SDK1: variants seen among roughly 807,000 people sequenced by gnomAD.
SDK1 encodes sidekick cell adhesion molecule 1, also known as protein sidekick-1.
SDK1 carries 157 observed loss-of-function variants against 245.5 expected under a neutral mutation model. That is an observed-to-expected ratio of 0.64 (90% CI 0.56 to 0.73). The LOEUF is 0.73. SDK1 is among the 30% of genes least tolerant of loss of function. The probability of loss-of-function intolerance (pLI) is 0.00; values close to 1 mark genes in which losing one functional copy is unlikely to be tolerated. For synonymous variants in SDK1, 1,647 were observed against 1,278.5 expected (o/e 1.29, Z -6.15); for missense variants, 3,583 against 3,002.3 (o/e 1.19, Z -4.52).
chr7:3,996,798 A>G (rs1483374841), intron 14 of SDK1, among the ~76,000 whole-genome samples: 4 of 151,990 alleles, frequency 2.6e-5, no homozygotes, highest in Non-Finnish European at 4.4e-5. Context: ...ATACAAATGT[A>G]TTGTTTTCTT....
intron 1 of SDK1, among the ~76,000 whole-genome samples, chr7:3,403,620 C>A (rs1285494229): frequency 6.6e-6 from 1 of 151,106 alleles, no homozygotes; most frequent in Non-Finnish European, 1.5e-5. Context: ...AAAGAGAGCA[C>A]AAATACAATA....
chr7:4,130,101 G>C lies in SDK1; in HGVS notation c.4129+4G>C. On this transcript the variant is annotated splice_donor_region_variant and intron_variant, in intron 27 of 44. Transcript: ENST00000404826. ...CTGGAGCGCACCAAAGACGATGGTA[G>C]GTCCAGGGTTCGCGCCTTCGGGAGC... 6.3e-7 allele frequency: 1 copy of C among 1,583,408 alleles called. No individual in the cohort carries two copies.
intron 5 of SDK1, among the ~76,000 whole-genome samples, chr7:3,843,627 G>T: frequency 6.6e-6 from 1 of 152,036 alleles, no homozygotes. Flanking sequence ...TATTATTGTG[G>T]GCACTCAGAC....
At chr7:3,646,219 A>G (rs1007762322) in intron 4 of SDK1, among the ~76,000 whole-genome samples, 1 of 152,046 alleles carries the variant, frequency 6.6e-6, no homozygotes, top group Admixed American at 6.6e-5. Flanking sequence ...CACCTTTGTC[A>G]TGTGGTGAAA....
intron 4 of SDK1, among the ~76,000 whole-genome samples, chr7:3,693,724 C>G (rs981832558): frequency 6.6e-6 from 1 of 152,178 alleles, no homozygotes; most frequent in Non-Finnish European, 1.5e-5. Context: ...GGTCTAGTTT[C>G]ACATCCCTGG....
At chr7:3,680,140 C>G (rs1453827416) in intron 4 of SDK1, among the ~76,000 whole-genome samples, 2 of 152,182 alleles carry the variant, frequency 1.3e-5, no homozygotes, top group Non-Finnish European at 2.9e-5. Context: ...CAGGCAACGA[C>G]TTGGCTGGAT....
At chr7:3,582,304 C>T (rs993687984) in intron 1 of SDK1, among the ~76,000 whole-genome samples, 10 of 144,096 alleles carry the variant, frequency 6.9e-5, no homozygotes, top group African/African-American at 8.0e-5. Flanking sequence ...GGTAGGTCTC[C>T]CTCAGGTAGG....
chr7:3,986,257 C>T (rs1783819341), intron 13 of SDK1, among the ~76,000 whole-genome samples: 1 of 151,814 alleles, frequency 6.6e-6, no homozygotes, highest in African/African-American at 2.4e-5. Flanking sequence ...ATTGCATTTC[C>T]ATTTCATAGC....
At chr7:4,162,448 G>A (rs1393027454) in intron 32 of SDK1, among the ~76,000 whole-genome samples, 2 of 151,000 alleles carry the variant, frequency 1.3e-5, no homozygotes, top group African/African-American at 4.9e-5. Flanking sequence ...TCACCAGGCT[G>A]GAGTGCAGTG....
At chr7:3,476,404 C>T (rs950784420) in intron 1 of SDK1, among the ~76,000 whole-genome samples, 5 of 152,208 alleles carry the variant, frequency 3.3e-5, no homozygotes, top group African/African-American at 1.2e-4. Context: ...AGTTCCAGTA[C>T]TTCTTTTCCT....
chr7:3,669,860 C>G (rs1015207296), intron 4 of SDK1, among the ~76,000 whole-genome samples: 6 of 152,150 alleles, frequency 3.9e-5, no homozygotes, highest in Non-Finnish European at 5.9e-5. Context: ...AAACAGAACT[C>G]TTTTTTCTTC....
intron 5 of SDK1, among the ~76,000 whole-genome samples, chr7:3,844,438 C>T (rs142879030): frequency 1.0e-3 from 157 of 152,298 alleles, no homozygotes; most frequent in African/African-American, 3.6e-3. Flanking sequence ...AATTAAGACT[C>T]AGGACCCTTG....
chr7:4,208,429 G>A (rs6966032), intron 37 of SDK1, 144 bp downstream of exon 37: 1 of 719,104 alleles, frequency 1.4e-6, no homozygotes. Context: ...TTCTGGATGG[G>A]CAGGACTGGG....
At chr7:3,753,902 A>G (rs181943343) in intron 4 of SDK1, among the ~76,000 whole-genome samples, 19 of 152,354 alleles carry the variant, frequency 1.2e-4, no homozygotes, top group Non-Finnish European at 2.1e-4. Flanking sequence ...AGAATTCAGC[A>G]TTCTCTATAA....
At chr7:4,170,829 G>T (rs1001000863) in intron 32 of SDK1, among the ~76,000 whole-genome samples, 5 of 152,252 alleles carry the variant, frequency 3.3e-5, no homozygotes, top group African/African-American at 1.2e-4. Flanking sequence ...GGCCCGGCAT[G>T]GGGGAGCTGG....
In SDK1 at chr7:3,511,125, G is replaced by A. The variant is rs188390022; in HGVS notation, c.299-107955G>A. Among the ~76,000 whole-genome samples, 9 of 152,254 alleles carry A rather than the reference G, an allele frequency of 5.9e-5. No individual in the cohort carries two copies. In the East Asian group the frequency reaches 1.4e-3, roughly 23 times the overall value. ...AGAGCCAGCAGGATTAGGATTCCAC[G>A]GTCTGAGAAAGGAACCAAGGACGAC... On this transcript the variant is annotated intron_variant, in intron 1 of 44. Coordinates refer to ENST00000404826, the MANE Select transcript of SDK1 (RefSeq NM_152744.4).
Position 3,580,636 on chromosome 7 carries a change from G to T in SDK1, c.299-38444G>T, listed in dbSNP as rs998221813. On this transcript the variant is annotated intron_variant, in intron 1 of 44. Coordinates refer to ENST00000404826, the MANE Select transcript of SDK1 (RefSeq NM_152744.4). ...CCATGTAAAAAAATCAACTCAAGAT[G>T]GATTAAAGACTTAAATGTAAAACCC... 2.0e-5 allele frequency among the ~76,000 whole-genome samples: 3 copies of T among 152,150 alleles called. No homozygotes were observed. In the South Asian group the frequency reaches 6.2e-4, roughly 32 times the overall value.
intron 5 of SDK1, among the ~76,000 whole-genome samples, chr7:3,889,125 T>C (rs1055802271): frequency 2.6e-5 from 4 of 152,238 alleles, no homozygotes; most frequent in Non-Finnish European, 5.9e-5. Context: ...CTCTTAAGGC[T>C]GATAAAAATT....
At chr7:4,147,797 G>T (rs916855193) in intron 29 of SDK1, among the ~76,000 whole-genome samples, 1 of 152,086 alleles carries the variant, frequency 6.6e-6, no homozygotes, top group Non-Finnish European at 1.5e-5. Context: ...GATGGTAATG[G>T]CTCCCAAGCA....
Sources: allele counts gnomAD v4.1 joint callset (sites outside exome capture counted in the v4.1 genomes callset), GRCh38; gene constraint gnomAD v4.1.1; transcripts MANE v1.5; gene names NCBI Gene and HGNC (gene_info 2026-07-23, HGNC 2026-07-21).